PDGFD: variants seen among roughly 807,000 people sequenced by gnomAD.
PDGFD encodes platelet derived growth factor D.
In PDGFD, 30 loss-of-function variants were observed where a neutral mutation model predicts 44.7. That is an observed-to-expected ratio of 0.67 (90% CI 0.50 to 0.91). The LOEUF (loss-of-function observed/expected upper bound fraction) is 0.91. PDGFD is among the 40% of genes least tolerant of loss of function. PDGFD has a pLI of 0.00. For missense variants in PDGFD, 445 were observed against 457.8 expected (o/e 0.97, Z 0.25); for synonymous variants, 173 against 168.4 (o/e 1.03, Z -0.21).
At chr11:103,956,349 G>C (rs1293485043) in intron 3 of PDGFD, among the ~76,000 whole-genome samples, 9 of 150,860 alleles carry the variant, frequency 6.0e-5, no homozygotes, top group Admixed American at 4.6e-4. Context: ...TACTGAGAAT[G>C]ATGATTTCCA....
intron 1 of PDGFD, among the ~76,000 whole-genome samples, chr11:104,098,724 C>T (rs757199799): frequency 5.9e-5 from 9 of 152,018 alleles, no homozygotes; most frequent in Non-Finnish European, 1.0e-4. Flanking sequence ...CTATGTTGCA[C>T]AGGCTGGTCT....
At chr11:104,028,030 A>G (rs1218142643) in intron 1 of PDGFD, among the ~76,000 whole-genome samples, 7 of 152,016 alleles carry the variant, frequency 4.6e-5, no homozygotes, top group Non-Finnish European at 7.4e-5. Flanking sequence ...CTCTACTAAA[A>G]ATACAAAAAA....
intron 1 of PDGFD, among the ~76,000 whole-genome samples, chr11:104,113,589 GT>G (rs34817646): frequency 0.012 from 1,698 of 141,512 alleles, 14 homozygotes; most frequent in African/African-American, 0.034. Context: ...CAACTGCAGT[GT>G]TTTTTTTTTT....
chr11:103,957,441 G>A (rs1424385666), intron 3 of PDGFD, among the ~76,000 whole-genome samples: 1 of 152,102 alleles, frequency 6.6e-6, no homozygotes, highest in African/African-American at 2.4e-5. Flanking sequence ...AAAGCTGGAG[G>A]CATCACGCTA....
At chr11:104,080,616 C>T (rs1861031420) in intron 1 of PDGFD, among the ~76,000 whole-genome samples, 1 of 152,064 alleles carries the variant, frequency 6.6e-6, no homozygotes, top group Non-Finnish European at 1.5e-5. Flanking sequence ...TTGGAGGAGC[C>T]ACCATCCATT....
At chr11:103,941,182 T>C (rs1008764333) in intron 5 of PDGFD, among the ~76,000 whole-genome samples, 10 of 152,066 alleles carry the variant, frequency 6.6e-5, no homozygotes, top group African/African-American at 1.9e-4. Context: ...TCTCACCCCA[T>C]TGAGATTCTG....
At chr11:103,948,019 C>T (rs1350138961) in intron 3 of PDGFD, among the ~76,000 whole-genome samples, 22 of 152,164 alleles carry the variant, frequency 1.4e-4, no homozygotes. Context: ...ACTGACAACC[C>T]CTCCAGTCCT....
At chr11:103,911,715 G>A (rs563971275) in intron 6 of PDGFD, among the ~76,000 whole-genome samples, 1 of 152,124 alleles carries the variant, frequency 6.6e-6, no homozygotes, top group Admixed American at 6.5e-5. Flanking sequence ...CCAATGCAAG[G>A]AAGCTAAGAA....
At chr11:104,131,621 C>A (rs1013912663) in intron 1 of PDGFD, among the ~76,000 whole-genome samples, 2 of 151,892 alleles carry the variant, frequency 1.3e-5, no homozygotes, top group African/African-American at 4.8e-5. Context: ...TCTCTTAAAT[C>A]CGGTGCTTTA....
chr11:103,994,896 T>G (rs1239812050), intron 3 of PDGFD, among the ~76,000 whole-genome samples: 1 of 151,762 alleles, frequency 6.6e-6, no homozygotes, highest in African/African-American at 2.4e-5. Context: ...TTTTTTTTTT[T>G]TGAGACAGGG....
chr11:104,055,478 T>C (rs952181805), intron 1 of PDGFD, among the ~76,000 whole-genome samples: 7 of 152,198 alleles, frequency 4.6e-5, no homozygotes, highest in African/African-American at 1.7e-4. Context: ...AAAGAATACA[T>C]TGAAGCAGTA....
intron 1 of PDGFD, among the ~76,000 whole-genome samples, chr11:104,070,589 G>T (rs1338234373): frequency 6.6e-6 from 1 of 152,118 alleles, no homozygotes; most frequent in African/African-American, 2.4e-5. Context: ...ATTTGAGCTA[G>T]CTCCTTCTTT....
chr11:104,126,728 TGA>T (rs1861846603), intron 1 of PDGFD, among the ~76,000 whole-genome samples: 1 of 152,146 alleles, frequency 6.6e-6, no homozygotes, highest in East Asian at 1.9e-4. Flanking sequence ...TAGCAGAGGT[TGA>T]GAGATGTGCT....
At chr11:104,045,091 T>C (rs2134402030) in intron 1 of PDGFD, among the ~76,000 whole-genome samples, 1 of 152,232 alleles carries the variant, frequency 6.6e-6, no homozygotes, top group South Asian at 2.1e-4. Flanking sequence ...CCAGTATCCC[T>C]ACATTCCTGG....
chr11:104,010,184 C>CTT lies in PDGFD; in HGVS notation c.125-9931_125-9930dup, dbSNP rs35905360. Among the ~76,000 whole-genome samples the CTT allele has an allele frequency of 3.4e-5, 5 of 146,292 alleles. No homozygotes were observed. The East Asian group carries it at 6.0e-4, about 17-fold the overall frequency. ...AGATGGTTGTTTGCCAGTTACATATCTTTTTTTTTTTTTAAACATTAGAGC... is the reference window on the plus strand; with the variant it reads ...AGATGGTTGTTTGCCAGTTACATATCTTTTTTTTTTTTTTTAAACATTAGAGC... On this transcript the variant is annotated intron_variant, in intron 1 of 6. Transcript: ENST00000393158.
intron 3 of PDGFD, among the ~76,000 whole-genome samples, chr11:103,948,430 G>GA (rs1238924934): frequency 2.0e-5 from 3 of 152,292 alleles, no homozygotes; most frequent in South Asian, 4.1e-4. Context: ...AGATCACACA[G>GA]AAAAAACTTC....
intron 1 of PDGFD, among the ~76,000 whole-genome samples, chr11:104,043,157 G>T (rs1860386338): frequency 6.6e-6 from 1 of 152,108 alleles, no homozygotes; most frequent in Admixed American, 6.6e-5. Flanking sequence ...ACAAAATATA[G>T]AATATGGAGT....
At chr11:104,160,353 G>A (rs1862371381) in intron 1 of PDGFD, among the ~76,000 whole-genome samples, 1 of 152,204 alleles carries the variant, frequency 6.6e-6, no homozygotes, top group Non-Finnish European at 1.5e-5. Context: ...GAATGCATCT[G>A]TATTCTAAAG....
At chr11:104,118,778 A>AATGTATT (rs1555055296) in intron 1 of PDGFD, among the ~76,000 whole-genome samples, 2 of 75,638 alleles carry the variant, frequency 2.6e-5, no homozygotes, top group Non-Finnish European at 5.0e-5. Flanking sequence ...ATTAATATAT[A>AATGTATT]ATATATTATA....
Sources: gnomAD v4.1 joint callset for allele counts (sites outside exome capture counted in the v4.1 genomes callset) on GRCh38, gnomAD v4.1.1 for gene constraint, MANE v1.5 for transcripts, NCBI Gene and HGNC (gene_info 2026-07-23, HGNC 2026-07-21) for gene names.